Variants in CWF19L2 observed in about 807,000 individuals in gnomAD.
CWF19L2 encodes the protein CWF19-like protein 2.
A neutral mutation model predicts 111.7 loss-of-function variants in CWF19L2; 98 were observed. The ratio of observed to expected loss-of-function variants is 0.88; its 90% confidence interval spans 0.75 to 1.04. The LOEUF (loss-of-function observed/expected upper bound fraction) is 1.04. Among genes scored for constraint, CWF19L2 ranks in the 50% least tolerant of loss-of-function variants. The pLI is 0.00. For synonymous variants in CWF19L2, 351 were observed against 342.9 expected, an observed-to-expected ratio of 1.02 and a Z score of -0.26; for missense variants, 1,101 against 1,051.4, an observed-to-expected ratio of 1.05 and a Z score of -0.65.
intron 8 of CWF19L2, among the ~76,000 whole-genome samples, chr11:107,428,504 C>CA (rs1210102972): frequency 1.3e-5 from 2 of 151,982 alleles, no homozygotes; most frequent in Admixed American, 1.3e-4. Context: ...CAAAATATCT[C>CA]CTGCAGCACA....
chr11:107,389,515 T>C (rs1300316433), intron 12 of CWF19L2, among the ~76,000 whole-genome samples: 1 of 152,182 alleles, frequency 6.6e-6, no homozygotes, highest in Non-Finnish European at 1.5e-5. Context: ...TTAATGGTAG[T>C]GTTTGGAAGA....
chr11:107,429,478 T>G, intron 7 of CWF19L2, 27 bp from the exon 8 acceptor site: 2 of 1,489,576 alleles, frequency 1.3e-6, no homozygotes, highest in Non-Finnish European at 1.8e-6. Context: ...TTAAACAAGA[T>G]ATCTAAAATT....
At chr11:107,333,420 A>T (rs1183530441) in intron 16 of CWF19L2, among the ~76,000 whole-genome samples, 1 of 152,190 alleles carries the variant, frequency 6.6e-6, no homozygotes. Flanking sequence ...GGGGACTAAT[A>T]AATCAAATTT....
At position 107,428,911 on chromosome 11, in the gene CWF19L2, C is replaced by T; in HGVS notation, c.1321G>A (p.Asp441Asn). Residue 441 changes from aspartate (D) to asparagine (N), a missense_variant, in exon 8 of 18, where the codon GAT (aspartate) becomes AAT (asparagine). Asp to Asn is a conservative substitution (Grantham distance 23). Transcript: ENST00000282251. ...TCTTCTGGAACATGTTGGTGTTCATCAGTACTGGTTTCCGATGGCTTTTGA... is the reference window on the plus strand; with the variant it reads ...TCTTCTGGAACATGTTGGTGTTCATTAGTACTGGTTTCCGATGGCTTTTGA... ...SNQKPSETSTDEHQHVPEDPR... is the reference protein window; with the variant it reads ...SNQKPSETSTNEHQHVPEDPR... 6.2e-7 allele frequency: 1 copy of T among 1,613,624 alleles called. No individual in the cohort carries two copies. The highest frequency in any genetic ancestry group is 8.5e-7 in the Non-Finnish European group (1 of 1,179,716).
intron 7 of CWF19L2, among the ~76,000 whole-genome samples, chr11:107,433,396 A>G (rs1464464886): frequency 2.6e-5 from 4 of 152,144 alleles, no homozygotes; most frequent in African/African-American, 9.7e-5. Flanking sequence ...CACAATAAGA[A>G]AATTTTTTTT....
chr11:107,387,563 C>CT (rs763781649), intron 12 of CWF19L2, among the ~76,000 whole-genome samples: 3 of 152,014 alleles, frequency 2.0e-5, no homozygotes, highest in Non-Finnish European at 4.4e-5. Context: ...AGTCCCCAAC[C>CT]TTTTTGGCAC....
chr11:107,411,927 C>G (rs75376262), intron 10 of CWF19L2, among the ~76,000 whole-genome samples: 1,960 of 152,220 alleles, frequency 0.013, 35 homozygotes, highest in African/African-American at 0.044. Context: ...GTCTCTTAGT[C>G]CTATCGAATG....
rs537839149 is a variant in CWF19L2, at chr11:107,417,617, T to C, written c.1527+577A>G. Among the ~76,000 whole-genome samples, 93 of 152,194 alleles carry C rather than the reference T, an allele frequency of 6.1e-4. 1 individual carries two copies. Among genetic ancestry groups the C allele is most frequent in the African/African-American group, 2.2e-3 (91 of 41,530 alleles). ...TTAAATATGCTCAATGAGTTACAAA[T>C]GCAGGAATAAAGTAAATAGCCAAGT... On this transcript the variant is annotated intron_variant, in intron 9 of 17. Coordinates refer to ENST00000282251, the MANE Select transcript of CWF19L2 (RefSeq NM_152434.3).
At chr11:107,421,143 T>G (rs1332187472) in intron 8 of CWF19L2, among the ~76,000 whole-genome samples, 1 of 152,104 alleles carries the variant, frequency 6.6e-6, no homozygotes, top group Non-Finnish European at 1.5e-5. Context: ...CAAAAGTCTC[T>G]GGAAAATCCT....
chr11:107,347,737 A>ACAGTACAG (rs1860100270), intron 14 of CWF19L2, among the ~76,000 whole-genome samples: 1 of 152,200 alleles, frequency 6.6e-6, no homozygotes, highest in Admixed American at 6.5e-5. Context: ...CTAAAATATT[A>ACAGTACAG]TATTTGTGTA....
chr11:107,342,926 G>A (rs1006428233), intron 14 of CWF19L2, among the ~76,000 whole-genome samples: 1 of 152,130 alleles, frequency 6.6e-6, no homozygotes. Context: ...CACAAGCCAA[G>A]AAATGCTGGC....
intron 10 of CWF19L2, among the ~76,000 whole-genome samples, chr11:107,406,931 CTT>C (rs1414089676): frequency 2.1e-4 from 32 of 151,976 alleles, no homozygotes; most frequent in African/African-American, 6.3e-4. Context: ...TTAATTATAA[CTT>C]AACTTTCTGT....
At chr11:107,332,236 C>T (rs1859860528) in intron 16 of CWF19L2, among the ~76,000 whole-genome samples, 1 of 151,982 alleles carries the variant, frequency 6.6e-6, no homozygotes, top group Non-Finnish European at 1.5e-5. Context: ...CTTAAAATAC[C>T]ATTTTTTAAA....
chr11:107,420,796 A>G (rs1861293090), intron 8 of CWF19L2, among the ~76,000 whole-genome samples: 2 of 152,260 alleles, frequency 1.3e-5, no homozygotes, highest in South Asian at 2.1e-4. Flanking sequence ...TGACGGTGGT[A>G]TCTCTTGCAG....
At chr11:107,360,302 C>CA (rs757521870) in intron 12 of CWF19L2, among the ~76,000 whole-genome samples, 252 of 151,108 alleles carry the variant, frequency 1.7e-3, no homozygotes, top group Non-Finnish European at 3.1e-3. Flanking sequence ...AAAACAAAAA[C>CA]AAAAAACACA....
intron 8 of CWF19L2, among the ~76,000 whole-genome samples, chr11:107,421,838 G>C (rs752031868): frequency 1.3e-5 from 2 of 152,020 alleles, no homozygotes; most frequent in Non-Finnish European, 2.9e-5. Flanking sequence ...ATATGATTTA[G>C]CTACTGCTCT....
At chr11:107,361,269 T>G (rs989497581) in intron 12 of CWF19L2, among the ~76,000 whole-genome samples, 1 of 152,232 alleles carries the variant, frequency 6.6e-6, no homozygotes, top group African/African-American at 2.4e-5. Flanking sequence ...ATTGTAAATA[T>G]GTGGCTTTAT....
chr11:107,383,372 G>A (rs1031726447), intron 12 of CWF19L2, among the ~76,000 whole-genome samples: 1 of 152,066 alleles, frequency 6.6e-6, no homozygotes, highest in South Asian at 2.1e-4. Context: ...TCGGTGCGTG[G>A]AGAAAAAAAC....
intron 14 of CWF19L2, among the ~76,000 whole-genome samples, chr11:107,346,373 G>A (rs912623215): frequency 1.3e-5 from 2 of 152,124 alleles, no homozygotes; most frequent in African/African-American, 4.8e-5. Flanking sequence ...AAAGGCAGAA[G>A]CTACTTGAAC....
Sources: gnomAD v4.1 joint callset for allele counts (sites outside exome capture counted in the v4.1 genomes callset) on GRCh38, gnomAD v4.1.1 for gene constraint, MANE v1.5 for transcripts, NCBI Gene and HGNC (gene_info 2026-07-23, HGNC 2026-07-21) for gene names.